ROCK2: variants seen among roughly 807,000 people sequenced by gnomAD.
The protein encoded by ROCK2 is Rho associated coiled-coil containing protein kinase 2, also known as rho-associated protein kinase 2.
Under a neutral mutation model 195.1 loss-of-function variants are expected in ROCK2, and 61 were observed. The ratio of observed to expected loss-of-function variants is 0.31; its 90% CI spans 0.25 to 0.39. ROCK2 has a LOEUF of 0.39. Ranked by LOEUF, ROCK2 falls within the 10% of genes least tolerant of loss-of-function variation. The pLI is 1.00. For missense variants in ROCK2, 1,109 were observed against 1,637.4 expected, an observed-to-expected ratio of 0.68 and a Z score of 5.57; for synonymous variants, 504 against 545.5, an observed-to-expected ratio of 0.92 and a Z score of 1.06.
chr2:11,262,333 CTTATTT>C (rs2148148382), intron 3 of ROCK2, among the ~76,000 whole-genome samples: 1 of 151,986 alleles, frequency 6.6e-6, no homozygotes, highest in East Asian at 1.9e-4. Flanking sequence ...AATTTTTATT[CTTATTT>C]TTATTTGTAC....
chr2:11,197,293 T>C lies in ROCK2; in HGVS notation c.3335A>G (p.Lys1112Arg). The change falls in exon 27 of 33, where the codon AAA becomes AGA. Residue 1112 changes from lysine (K) to arginine (R), a missense_variant. Physicochemically the swap from Lys to Arg is conservative, Grantham distance 26. This residue lies in a region of ROCK2 where 221 missense variants were observed against 355.1 expected (regional missense o/e 0.62). Coordinates refer to ENST00000315872, the MANE Select transcript of ROCK2 (RefSeq NM_004850.5). This position sits in a 1 kb window ranked among gnomAD's most constrained non-coding sequence, Gnocchi z 4.9. ...CCGCAGCTGCTCAATGTCACTGTCT[T>C]TACTGTCCAATGTCATCTGCAGTTC... The part of the protein sequence containing the change: ...RIELQMTLDS[K>R]DSDIEQLRSQ... 1 of 1,614,134 alleles carries C rather than the reference T, an allele frequency of 6.2e-7. No individual in the cohort carries two copies. Among genetic ancestry groups the C allele is most frequent in the Non-Finnish European group, 8.5e-7 (1 of 1,179,972 alleles).
intron 4 of ROCK2, among the ~76,000 whole-genome samples, chr2:11,246,220 A>G (rs1286119256): frequency 3.3e-5 from 5 of 152,188 alleles, no homozygotes; most frequent in East Asian, 3.9e-4. Flanking sequence ...TCAAGCCTCT[A>G]TATCTAACAA....
intron 4 of ROCK2, among the ~76,000 whole-genome samples, chr2:11,239,999 CCTGT>C (rs1265415190): frequency 1.3e-5 from 2 of 152,172 alleles, no homozygotes; most frequent in Admixed American, 1.3e-4. Context: ...GCTTCTCCAC[CCTGT>C]CTGTGTAGAA....
chr2:11,208,597 TTTTC>T, intron 18 of ROCK2, 150 bp from the exon 19 acceptor site: 1 of 393,712 alleles, frequency 2.5e-6, no homozygotes, highest in Non-Finnish European at 4.2e-6. Flanking sequence ...TCTTTTTTTC[TTTTC>T]TTTTTTTTTT....
intron 1 of ROCK2, among the ~76,000 whole-genome samples, chr2:11,317,747 T>C (rs1450324425): frequency 2.7e-5 from 4 of 150,888 alleles, no homozygotes; most frequent in African/African-American, 9.8e-5. Context: ...GTATATCTCC[T>C]AATGCTATCC....
chr2:11,292,135 C>A (rs765441244), intron 1 of ROCK2, among the ~76,000 whole-genome samples: 2 of 151,960 alleles, frequency 1.3e-5, no homozygotes, highest in African/African-American at 4.8e-5. Flanking sequence ...TTTCTTAGTA[C>A]TACTATTTTA....
intron 1 of ROCK2, among the ~76,000 whole-genome samples, chr2:11,335,368 T>C (rs1240133981): frequency 2.0e-5 from 3 of 152,200 alleles, no homozygotes; most frequent in South Asian, 2.1e-4. Context: ...ATAGTTTTAG[T>C]TGAGCCCCAA....
intron 20 of ROCK2, among the ~76,000 whole-genome samples, chr2:11,205,802 T>G (rs929769216): frequency 6.6e-6 from 1 of 152,090 alleles, no homozygotes; most frequent in Non-Finnish European, 1.5e-5. Context: ...ATGTAGTATA[T>G]GTAAAACCTT....
chr2:11,270,340 G>A (rs565978142), intron 3 of ROCK2, among the ~76,000 whole-genome samples: 8 of 152,046 alleles, frequency 5.3e-5, no homozygotes, highest in Non-Finnish European at 8.8e-5. Context: ...TAAATCTAAC[G>A]TTTAAGACAT....
chr2:11,341,423 G>C (rs1285409708), intron 1 of ROCK2, among the ~76,000 whole-genome samples: 1 of 152,192 alleles, frequency 6.6e-6, no homozygotes, highest in East Asian at 1.9e-4. Flanking sequence ...GTGCACAGGA[G>C]AAGTGAACTA....
At chr2:11,322,307 T>A (rs1668424950) in intron 1 of ROCK2, among the ~76,000 whole-genome samples, 1 of 152,034 alleles carries the variant, frequency 6.6e-6, no homozygotes, top group Admixed American at 6.5e-5. Flanking sequence ...TATTAATGTA[T>A]CAGTTTTTTA....
chr2:11,251,651 A>C (rs1357823412), intron 3 of ROCK2, among the ~76,000 whole-genome samples: 2 of 152,254 alleles, frequency 1.3e-5, no homozygotes, highest in African/African-American at 2.4e-5. Flanking sequence ...AACAAAGCCA[A>C]AACTGACAAA....
intron 30 of ROCK2, among the ~76,000 whole-genome samples, chr2:11,193,191 AAG>A (rs1230817130): frequency 2.0e-5 from 3 of 152,204 alleles, no homozygotes; most frequent in Non-Finnish European, 4.4e-5. Flanking sequence ...AGAGAAAAGA[AAG>A]AGGAAAGGAT....
Position 11,208,437 on chromosome 2 carries a change from C to T in ROCK2, c.2214G>A (p.Lys738=). The change falls in exon 19 of 33, where the codon AAG becomes AAA. Residue 738 remains lysine (K), a synonymous_variant. Coordinates refer to ENST00000315872, the MANE Select transcript of ROCK2 (RefSeq NM_004850.5). ...AKSEAMKEME[K]KLLEERTLKQ... The stretch of plus-strand genomic sequence containing the variant: ...TTAAAGTTCTTTCCTCCAAGAGCTT[C>T]TTCTCCATTTCTAGTATAATAAAAA... The T allele has an allele frequency of 4.7e-6, 7 of 1,502,248 alleles. No individual in the cohort carries two copies. The highest frequency in any genetic ancestry group is 6.3e-6 in the Non-Finnish European group (7 of 1,114,752). The allele number at this position is 1,502,248 out of a possible 1,614,324, so 93.1% of individuals were successfully genotyped here.
intron 1 of ROCK2, among the ~76,000 whole-genome samples, chr2:11,339,468 C>T (rs542899550): frequency 6.6e-6 from 1 of 150,902 alleles, no homozygotes; most frequent in East Asian, 1.9e-4. Context: ...GATATATACC[C>T]TAATCTACAG....
chr2:11,282,911 TA>T (rs148159936), intron 3 of ROCK2, among the ~76,000 whole-genome samples: 2 of 150,192 alleles, frequency 1.3e-5, no homozygotes, highest in Admixed American at 6.6e-5. Context: ...AACTAAACAA[TA>T]AAAAAAAATA....
chr2:11,214,833 T>C lies in ROCK2; in HGVS notation c.1936+7A>G. On this transcript the variant is annotated splice_region_variant and intron_variant, in intron 16 of 32. Transcript: ENST00000315872. ...AATTAATTCAAGTGCAACCACGACT[T>C]CAATACCTTGTAAATCATTAATTAT... The C allele has an allele frequency of 6.2e-7, 1 of 1,601,350 alleles. No individual in the cohort carries two copies. Among genetic ancestry groups the C allele is most frequent in the East Asian group, 2.2e-5 (1 of 44,738 alleles).
chr2:11,218,412 A>C (rs1298541766), intron 11 of ROCK2, 43 bp downstream of exon 11: 12 of 1,516,450 alleles, frequency 7.9e-6, no homozygotes, highest in Non-Finnish European at 1.1e-5. Flanking sequence ...GAGAGTGATG[A>C]GCTTTTCTCA....
chr2:11,210,774 G>T (rs1210666272), intron 18 of ROCK2, among the ~76,000 whole-genome samples: 3 of 152,176 alleles, frequency 2.0e-5, no homozygotes, highest in Non-Finnish European at 4.4e-5. Flanking sequence ...CTAGGCCACA[G>T]ACAAGGAAAT....
Sources: allele counts gnomAD v4.1 joint callset (sites outside exome capture counted in the v4.1 genomes callset), GRCh38; gene constraint gnomAD v4.1.1; regional missense constraint gnomAD v4.1.1; non-coding constraint Gnocchi (gnomAD v3.1); transcripts MANE v1.5; gene names NCBI Gene and HGNC (gene_info 2026-07-23, HGNC 2026-07-21).